Variants in RB1 observed in about 807,000 individuals in gnomAD.
RB1 encodes the protein RB transcriptional corepressor 1.
Under a neutral mutation model 135.4 loss-of-function variants are expected in RB1, and 18 were observed. The observed-to-expected ratio is 0.13, with a 90% CI of 0.09 to 0.20. RB1 has a LOEUF of 0.20. Ranked by LOEUF, RB1 falls within the 10% of genes least tolerant of loss-of-function variation. The probability of loss-of-function intolerance (pLI) is 1.00; values close to 1 mark genes in which losing one functional copy is unlikely to be tolerated. For synonymous variants in RB1, 365 were observed against 373.2 expected, an observed-to-expected ratio of 0.98 and a Z score of 0.25; for missense variants, 868 against 1,110.0, an observed-to-expected ratio of 0.78 and a Z score of 3.10.
At chr13:48,432,448 G>C (rs1194738456) in intron 17 of RB1, among the ~76,000 whole-genome samples, 1 of 147,888 alleles carries the variant, frequency 6.8e-6, no homozygotes, top group East Asian at 2.0e-4. Flanking sequence ...TGGGCTACTT[G>C]CCAGTGTTCT....
intron 17 of RB1, among the ~76,000 whole-genome samples, chr13:48,398,247 C>G (rs1427776903): frequency 1.3e-5 from 2 of 152,096 alleles, no homozygotes; most frequent in Non-Finnish European, 2.9e-5. Context: ...AAATTCAATT[C>G]TGAAAACATA....
chr13:48,418,709 C>CAA (rs1217781825), intron 17 of RB1, among the ~76,000 whole-genome samples: 185 of 109,942 alleles, frequency 1.7e-3, no homozygotes, highest in African/African-American at 5.1e-3. Flanking sequence ...AAATGGAAAG[C>CAA]AAAAAAAAAA....
chr13:48,338,684 A>T (rs1477310691), intron 2 of RB1, among the ~76,000 whole-genome samples: 1 of 152,190 alleles, frequency 6.6e-6, no homozygotes, highest in Non-Finnish European at 1.5e-5. Context: ...CAAATCGTCA[A>T]AGTCATTCTC....
intron 2 of RB1, chr13:48,318,125 G>C (rs1952201951): frequency 1.9e-6 from 1 of 518,884 alleles, no homozygotes; most frequent in Non-Finnish European, 3.5e-6. Context: ...CCGGGGCCGT[G>C]TCCTGGCTCC....
intron 17 of RB1, among the ~76,000 whole-genome samples, chr13:48,449,964 G>C (rs937112565): frequency 1.2e-4 from 19 of 152,032 alleles, no homozygotes; most frequent in Non-Finnish European, 2.1e-4. Flanking sequence ...TTTGAATGGA[G>C]TTGTTTGTTT....
At chr13:48,455,133 A>G (rs1187158410) in intron 18 of RB1, among the ~76,000 whole-genome samples, 3 of 152,198 alleles carry the variant, frequency 2.0e-5, no homozygotes, top group Admixed American at 1.3e-4. Context: ...TTAGAGATAA[A>G]TTAATAGGTT....
At chr13:48,311,887 G>A (rs564715305) in intron 2 of RB1, among the ~76,000 whole-genome samples, 1 of 152,062 alleles carries the variant, frequency 6.6e-6, no homozygotes, top group Non-Finnish European at 1.5e-5. Flanking sequence ...TGTATTTTTA[G>A]TAGAGACGGG....
chr13:48,318,760 C>T, intron 2 of RB1: 1 of 681,064 alleles, frequency 1.5e-6, no homozygotes, highest in Non-Finnish European at 2.6e-6. Flanking sequence ...GCCTTGGGGC[C>T]ACTGGTCTGG....
At chr13:48,334,531 T>C (rs145183146) in intron 2 of RB1, among the ~76,000 whole-genome samples, 2 of 152,194 alleles carry the variant, frequency 1.3e-5, no homozygotes, top group South Asian at 4.1e-4. Context: ...TAAGGATATA[T>C]CTTTTGACCC....
chr13:48,475,318 C>T (rs1209186648), intron 24 of RB1, among the ~76,000 whole-genome samples: 7 of 151,056 alleles, frequency 4.6e-5, no homozygotes, highest in Non-Finnish European at 1.0e-4. Context: ...TTAGCTGGGC[C>T]AGAGTTTCTC....
intron 12 of RB1, among the ~76,000 whole-genome samples, chr13:48,373,991 T>G (rs1054731689): frequency 1.3e-5 from 2 of 152,190 alleles, no homozygotes; most frequent in Admixed American, 1.3e-4. Context: ...TAAGAAGTCT[T>G]ATGCCACTCA....
chr13:48,404,839 C>G (rs1288160881), intron 17 of RB1, among the ~76,000 whole-genome samples: 1 of 151,738 alleles, frequency 6.6e-6, no homozygotes, highest in Non-Finnish European at 1.5e-5. Flanking sequence ...ATTCAGAATT[C>G]TAAAGATAAT....
intron 6 of RB1, among the ~76,000 whole-genome samples, chr13:48,349,559 A>G (rs1952528219): frequency 6.6e-6 from 1 of 152,042 alleles, no homozygotes; most frequent in Non-Finnish European, 1.5e-5. Flanking sequence ...AATAAAAAGC[A>G]AGAAACTAAA....
chr13:48,396,098 T>C (rs1339293291), intron 17 of RB1, among the ~76,000 whole-genome samples: 9 of 152,218 alleles, frequency 5.9e-5, no homozygotes, highest in Middle Eastern at 3.4e-3. Context: ...TTCAATGCTA[T>C]CCCCATCAAG....
Position 48,360,117 on chromosome 13 carries a change from A to C in RB1, c.708A>C (p.Lys236Asn), listed in dbSNP as rs1173696113. ...FIKLSPPMLL[K>N]EPYKTAVIPI... ...AACTCTCACCTCCCATGTTGCTCAA[A>C]GAACCATATAGTAAGTATTTAATTT... Residue 236 changes from lysine (K) to asparagine (N), a missense_variant, in exon 7 of 27, where the codon AAA becomes AAC. Lys to Asn is a moderately conservative substitution (Grantham distance 94, BLOSUM62 0). Transcript: ENST00000267163. 1 of 1,612,556 alleles carries C rather than the reference A, an allele frequency of 6.2e-7. No homozygotes were observed.
At chr13:48,318,297 AG>A in intron 2 of RB1, 1 of 1,155,724 alleles carries the variant, frequency 8.7e-7, no homozygotes, top group Non-Finnish European at 1.2e-6. Context: ...CAGCTGCTCC[AG>A]GAAGTGCATC....
intron 16 of RB1, among the ~76,000 whole-genome samples, chr13:48,381,046 A>AG (rs35474416): frequency 1.3e-5 from 2 of 152,300 alleles, no homozygotes; most frequent in Non-Finnish European, 2.9e-5. Context: ...TCCTTTCTCT[A>AG]GGAAAAACAC....
intron 2 of RB1, among the ~76,000 whole-genome samples, chr13:48,310,284 AG>A (rs1461988292): frequency 6.6e-6 from 1 of 152,170 alleles, no homozygotes; most frequent in Admixed American, 6.5e-5. Flanking sequence ...TTCTAGTGGC[AG>A]TTGTCTCTCT....
At chr13:48,315,933 T>C (rs1010213308) in intron 2 of RB1, among the ~76,000 whole-genome samples, 17 of 152,216 alleles carry the variant, frequency 1.1e-4, no homozygotes, top group African/African-American at 4.1e-4. Flanking sequence ...CTGTTTTCCA[T>C]AGAGGTTGTG....
Sources: allele counts gnomAD v4.1 joint callset (sites outside exome capture counted in the v4.1 genomes callset), GRCh38; gene constraint gnomAD v4.1.1; transcripts MANE v1.5; gene names NCBI Gene and HGNC (gene_info 2026-07-23, HGNC 2026-07-21).